KDM6A: variants seen among roughly 807,000 people sequenced by gnomAD.
KDM6A encodes the protein lysine-specific demethylase 6A.
A neutral mutation model predicts 117.6 loss-of-function variants in KDM6A; 11 were observed. The ratio of observed to expected loss-of-function variants is 0.09; its 90% CI spans 0.06 to 0.15. The LOEUF is 0.15. KDM6A is among the 10% of genes least tolerant of loss of function. The pLI is 1.00. For missense variants in KDM6A, 799 were observed against 1,077.3 expected (o/e 0.74, Z 3.62); for synonymous variants, 384 against 396.1 (o/e 0.97, Z 0.36).
At chrX:45,020,524 A>G in intron 5 of KDM6A, 86 bp from the exon 6 acceptor site, 2 of 972,676 alleles carry the variant, frequency 2.1e-6, no homozygotes, top group Non-Finnish European at 2.9e-6. Context: ...ACAATATTGC[A>G]TAAAACAGAA....
At chrX:45,016,388 C>A (rs1030091180) in intron 5 of KDM6A, among the ~76,000 whole-genome samples, 1 of 111,424 alleles carries the variant, frequency 9.0e-6, no homozygotes, top group African/African-American at 3.3e-5. Flanking sequence ...CTTCATATAT[C>A]TCTGTGAGAA....
At chrX:45,072,104 A>G (rs1602882120) in intron 18 of KDM6A, among the ~76,000 whole-genome samples, 2 of 112,047 alleles carry the variant, frequency 1.8e-5, no homozygotes, top group Non-Finnish European at 3.8e-5. Flanking sequence ...ATTAGTTTCT[A>G]TTTCTGTTAG....
At chrX:44,964,754 C>T (rs1421475884) in intron 3 of KDM6A, among the ~76,000 whole-genome samples, 1 of 111,716 alleles carries the variant, frequency 9.0e-6, no homozygotes, top group African/African-American at 3.3e-5. Context: ...TAGCATATTT[C>T]TTGAGGTCCC....
intron 2 of KDM6A, among the ~76,000 whole-genome samples, chrX:44,885,157 G>T (rs1602050611): frequency 9.3e-6 from 1 of 107,957 alleles, no homozygotes; most frequent in South Asian, 4.1e-4. Context: ...CTCCAGCTAC[G>T]TGGGACTATA....
At chrX:45,018,393 T>C (rs1022008725) in intron 5 of KDM6A, among the ~76,000 whole-genome samples, 1 of 111,705 alleles carries the variant, frequency 9.0e-6, no homozygotes, top group Non-Finnish European at 1.9e-5. Flanking sequence ...ACTGCTGTTA[T>C]TTGGAACATG....
chrX:44,948,682 A>C (rs1569473042), intron 2 of KDM6A, among the ~76,000 whole-genome samples: 1 of 112,339 alleles, frequency 8.9e-6, no homozygotes, highest in East Asian at 2.8e-4. Context: ...CTGGGAAAAA[A>C]TATTCTGTAA....
At chrX:45,044,268 C>T (rs774737717) in intron 8 of KDM6A, among the ~76,000 whole-genome samples, 1 of 111,668 alleles carries the variant, frequency 9.0e-6, no homozygotes, top group Non-Finnish European at 1.9e-5. Context: ...CTGGGACCTC[C>T]AGCTCATTTT....
At chrX:45,001,910 G>A (rs1355989453) in intron 4 of KDM6A, among the ~76,000 whole-genome samples, 1 of 110,918 alleles carries the variant, frequency 9.0e-6, no homozygotes, top group African/African-American at 3.3e-5. Flanking sequence ...TCCACCCTTT[G>A]ATGAGAACGT....
intron 4 of KDM6A, among the ~76,000 whole-genome samples, chrX:44,987,684 T>A (rs1351390630): frequency 9.0e-6 from 1 of 111,631 alleles, no homozygotes; most frequent in African/African-American, 3.3e-5. Flanking sequence ...TTTGGCTGGA[T>A]ATGAAATTCT....
intron 27 of KDM6A, among the ~76,000 whole-genome samples, chrX:45,094,648 G>A (rs1040323690): frequency 1.8e-5 from 2 of 111,688 alleles, no homozygotes; most frequent in African/African-American, 6.5e-5. Flanking sequence ...ACTCAACATG[G>A]TAATTTTGAA....
At chrX:45,099,110 T>C (rs919727299) in intron 27 of KDM6A, among the ~76,000 whole-genome samples, 4 of 111,206 alleles carry the variant, frequency 3.6e-5, no homozygotes, top group African/African-American at 1.3e-4. Flanking sequence ...TCATATGAGC[T>C]CTATGAAAAA....
intron 4 of KDM6A, among the ~76,000 whole-genome samples, chrX:44,980,128 C>A (rs753132467): frequency 9.2e-6 from 1 of 109,073 alleles, no homozygotes; most frequent in African/African-American, 3.4e-5. Flanking sequence ...TCCCCAGTAG[C>A]TGGAACTATA....
intron 2 of KDM6A, among the ~76,000 whole-genome samples, chrX:44,927,729 T>C (rs1410249408): frequency 8.9e-6 from 1 of 111,857 alleles, no homozygotes; most frequent in Admixed American, 9.6e-5. Flanking sequence ...TGTTTAAACA[T>C]AACCTCTTAT....
At chrX:45,029,203 G>T (rs112123233) in intron 6 of KDM6A, among the ~76,000 whole-genome samples, 1 of 111,468 alleles carries the variant, frequency 9.0e-6, no homozygotes, top group Non-Finnish European at 1.9e-5. Flanking sequence ...GGGAGGCTGA[G>T]GCGGGTGGAT....
At chrX:44,922,529 C>T (rs868653838) in intron 2 of KDM6A, among the ~76,000 whole-genome samples, 2 of 111,756 alleles carry the variant, frequency 1.8e-5, no homozygotes, top group African/African-American at 6.5e-5. Context: ...AGTGCAGTGG[C>T]GTGATCTCGG....
intron 5 of KDM6A, among the ~76,000 whole-genome samples, chrX:45,018,201 A>G (rs1333219217): frequency 1.8e-5 from 2 of 111,421 alleles, no homozygotes; most frequent in African/African-American, 3.3e-5. Context: ...CAGAGCAAGG[A>G]AAGTCCTTAA....
chrX:44,896,199 G>A (rs1251381267), intron 2 of KDM6A, among the ~76,000 whole-genome samples: 1 of 108,277 alleles, frequency 9.2e-6, no homozygotes, highest in Non-Finnish European at 1.9e-5. Context: ...TCAGCCTCCC[G>A]AGTAGCTGGG....
chrX:45,110,023 C>A, intron 28 of KDM6A, 56 bp from the exon 29 acceptor site: 1 of 1,023,092 alleles, frequency 9.8e-7, no homozygotes, highest in Non-Finnish European at 1.4e-6. Context: ...TATACTAAAG[C>A]AGTACAGTAA....
chrX:45,004,815 A>G (rs1215687710), intron 4 of KDM6A, among the ~76,000 whole-genome samples: 1 of 111,284 alleles, frequency 9.0e-6, no homozygotes, highest in Non-Finnish European at 1.9e-5. Flanking sequence ...CACATTCCCA[A>G]ACTACCATAG....
Sources: gnomAD v4.1 joint callset for allele counts (sites outside exome capture counted in the v4.1 genomes callset) on GRCh38, gnomAD v4.1.1 for gene constraint, MANE v1.5 for transcripts, NCBI Gene and HGNC (gene_info 2026-07-23, HGNC 2026-07-21) for gene names.